USP6NL: variants seen among roughly 807,000 people sequenced by gnomAD.
The protein encoded by USP6NL is USP6 N-terminal-like protein.
In USP6NL, 26 loss-of-function variants were observed where a neutral mutation model predicts 61.9. The observed-to-expected ratio is 0.42, with a 90% confidence interval of 0.31 to 0.58. The LOEUF (loss-of-function observed/expected upper bound fraction) is 0.58. Among genes scored for constraint, USP6NL ranks in the 20% least tolerant of loss-of-function variants. USP6NL has a pLI of 0.16. For synonymous variants in USP6NL, 432 were observed against 390.1 expected, an observed-to-expected ratio of 1.11 and a Z score of -1.27; for missense variants, 1,114 against 1,034.3, an observed-to-expected ratio of 1.08 and a Z score of -1.06.
At chr10:11,503,329 ATAT>A (rs1033948291) in intron 6 of USP6NL, among the ~76,000 whole-genome samples, 8 of 152,190 alleles carry the variant, frequency 5.3e-5, no homozygotes, top group Admixed American at 4.6e-4. Flanking sequence ...AAGTCTTCAG[ATAT>A]TATTTTGTTG....
At chr10:11,571,234 C>T (rs930818100) in intron 2 of USP6NL, among the ~76,000 whole-genome samples, 13 of 152,068 alleles carry the variant, frequency 8.5e-5, no homozygotes, top group Non-Finnish European at 1.5e-4. Context: ...CAGGCATGCA[C>T]CACCACGCCC....
chr10:11,584,585 G>A (rs1050600997), intron 2 of USP6NL, among the ~76,000 whole-genome samples: 1 of 151,942 alleles, frequency 6.6e-6, no homozygotes, highest in Admixed American at 6.6e-5. Context: ...CTGCCTTTTC[G>A]GTATACTATG....
intron 6 of USP6NL, among the ~76,000 whole-genome samples, chr10:11,507,808 C>A (rs1834522491): frequency 6.6e-6 from 1 of 152,190 alleles, no homozygotes; most frequent in Admixed American, 6.5e-5. Context: ...TTTACATCAA[C>A]TAACTTATTT....
In USP6NL at chr10:11,575,444, T is replaced by G. The variant is rs1471864910; in HGVS notation, c.4+22187A>C. Among the ~76,000 whole-genome samples the G allele has an allele frequency of 1.3e-5, 2 of 152,230 alleles. No homozygotes were observed. The highest frequency in any genetic ancestry group is 1.3e-4 in the Admixed American group (2 of 15,284). ...TTTTGACAGGTAACTTTCCATTAGC[T>G]TTCCTCTCTCCCAGTCTTTCTCTTT... On this transcript the variant is annotated intron_variant, in intron 2 of 14. Transcript: ENST00000609104. This position sits in a 1 kb window ranked among gnomAD's most constrained non-coding sequence, Gnocchi z 4.2.
At chr10:11,582,068 G>A (rs1222944138) in intron 2 of USP6NL, among the ~76,000 whole-genome samples, 5 of 152,062 alleles carry the variant, frequency 3.3e-5, no homozygotes, top group African/African-American at 9.7e-5. Flanking sequence ...GGCTTCAAGC[G>A]ATTCTCCTGC....
rs949069601 is a variant in USP6NL, at chr10:11,532,651, T to G, written c.5-5084A>C. 6.6e-6 allele frequency among the ~76,000 whole-genome samples: 1 copy of G among 152,178 alleles called. No individual in the cohort carries two copies. Among genetic ancestry groups the G allele is most frequent in the Non-Finnish European group, 1.5e-5 (1 of 68,022 alleles). On this transcript the variant is annotated intron_variant, in intron 2 of 14. Transcript: ENST00000609104. The surrounding 1 kb of genome is among the most constrained non-coding windows in gnomAD (Gnocchi z 4.1). ...CCACTTTCTTATTTCTTATTAAAAATAAAACTTGTCACAGAGCAACAAAAA... is the reference window on the plus strand; with the variant it reads ...CCACTTTCTTATTTCTTATTAAAAAGAAAACTTGTCACAGAGCAACAAAAA...
chr10:11,610,660 T>C (rs1364831316), intron 1 of USP6NL, among the ~76,000 whole-genome samples: 1 of 151,188 alleles, frequency 6.6e-6, no homozygotes, highest in East Asian at 1.9e-4. Flanking sequence ...CTATTTCCAA[T>C]CACTGGGTAC....
At chr10:11,547,542 CTTTT>C (rs11409797) in intron 2 of USP6NL, among the ~76,000 whole-genome samples, 2 of 137,990 alleles carry the variant, frequency 1.4e-5, no homozygotes, top group African/African-American at 5.4e-5. Context: ...CATTTTAAAA[CTTTT>C]TTTTTTTTTT....
intron 2 of USP6NL, among the ~76,000 whole-genome samples, chr10:11,568,149 TTGTGTGTGTG>T (rs35053647): frequency 6.7e-6 from 1 of 149,604 alleles, no homozygotes; most frequent in Admixed American, 6.7e-5. Context: ...CGGGAGGTAG[TTGTGTGTGTG>T]TGTGTGTGTG....
At position 11,476,344 on chromosome 10, in the gene USP6NL, G is replaced by C. The variant is rs980203878; in HGVS notation, c.1078+5426C>G. Among the ~76,000 whole-genome samples the C allele has an allele frequency of 1.3e-5, 2 of 152,164 alleles. No individual in the cohort carries two copies. Among genetic ancestry groups the C allele is most frequent in the Non-Finnish European group, 1.5e-5 (1 of 68,022 alleles). The stretch of plus-strand genomic sequence containing the variant: ...TTCTTGGCTACAGAGACAAGTATTT[G>C]AGGTGAAGTATCCTGATGTCCTTAT... On this transcript the variant is annotated intron_variant, in intron 14 of 14. Transcript: ENST00000609104. This position sits in a 1 kb window ranked among gnomAD's most constrained non-coding sequence, Gnocchi z 4.3.
intron 6 of USP6NL, among the ~76,000 whole-genome samples, chr10:11,503,067 A>T (rs1182998015): frequency 6.6e-6 from 1 of 152,238 alleles, no homozygotes; most frequent in Non-Finnish European, 1.5e-5. Flanking sequence ...GTAAACTGTG[A>T]TTTTAAAGTA....
In USP6NL at chr10:11,574,297, T is replaced by A. The variant is rs182362146; in HGVS notation, c.4+23334A>T. On this transcript the variant is annotated intron_variant, in intron 2 of 14. Transcript: ENST00000609104. The surrounding 1 kb of genome is among the most constrained non-coding windows in gnomAD (Gnocchi z 4.3). ...TCAAAAATATCCTATAAATTCCTTG[T>A]CCTCCTCCTCACATATACACCTCTG... Among the ~76,000 whole-genome samples, 18 of 152,304 alleles carry A rather than the reference T, an allele frequency of 1.2e-4. No individual in the cohort carries two copies. Among genetic ancestry groups the A allele is most frequent in the African/African-American group, 4.3e-4 (18 of 41,562 alleles).
intron 1 of USP6NL, among the ~76,000 whole-genome samples, chr10:11,609,843 T>C (rs988257633): frequency 6.6e-6 from 1 of 152,236 alleles, no homozygotes; most frequent in Non-Finnish European, 1.5e-5. Context: ...TCTGACACTT[T>C]CACTTACTGG....
At chr10:11,475,086 C>T (rs1832914312) in intron 14 of USP6NL, among the ~76,000 whole-genome samples, 1 of 152,192 alleles carries the variant, frequency 6.6e-6, no homozygotes, top group South Asian at 2.1e-4. Flanking sequence ...CATAGGCTTT[C>T]TAACCAGAAT....
At chr10:11,567,009 G>A (rs1837187023) in intron 2 of USP6NL, among the ~76,000 whole-genome samples, 1 of 152,218 alleles carries the variant, frequency 6.6e-6, no homozygotes, top group Admixed American at 6.5e-5. Flanking sequence ...AGCTACTTGG[G>A]AGGCTGAGGC....
At chr10:11,604,633 C>G (rs755212063) in intron 1 of USP6NL, among the ~76,000 whole-genome samples, 1 of 152,128 alleles carries the variant, frequency 6.6e-6, no homozygotes, top group Non-Finnish European at 1.5e-5. Context: ...TAATAAAACA[C>G]TGGATCAAAA....
rs771046851 is a variant in USP6NL, at chr10:11,525,830, G to T, written c.73-362C>A. ...AACCTTACAGTTCTAGACCAAACACGTCTCAGAGAAAGAGATTTTTCTTTT... is the reference window on the plus strand; with the variant it reads ...AACCTTACAGTTCTAGACCAAACACTTCTCAGAGAAAGAGATTTTTCTTTT... On this transcript the variant is annotated intron_variant, in intron 3 of 14. Transcript: ENST00000609104. This position sits in a 1 kb window ranked among gnomAD's most constrained non-coding sequence, Gnocchi z 5.0. Among the ~76,000 whole-genome samples, 1 of 152,152 alleles carries T rather than the reference G, an allele frequency of 6.6e-6. No individual in the cohort carries two copies. The highest frequency in any genetic ancestry group is 1.5e-5 in the Non-Finnish European group (1 of 68,018).
chr10:11,514,515 A>G (rs1834870593), intron 5 of USP6NL, among the ~76,000 whole-genome samples: 1 of 152,106 alleles, frequency 6.6e-6, no homozygotes, highest in African/African-American at 2.4e-5. Flanking sequence ...TTGAACCTCA[A>G]ACTGTCCCCT....
chr10:11,529,362 G>A (rs1252090140), intron 2 of USP6NL, among the ~76,000 whole-genome samples: 1 of 152,116 alleles, frequency 6.6e-6, no homozygotes, highest in Non-Finnish European at 1.5e-5. Flanking sequence ...AAAGTAATTT[G>A]ATAATATGTG....
Sources: allele counts gnomAD v4.1 joint callset (sites outside exome capture counted in the v4.1 genomes callset), GRCh38; gene constraint gnomAD v4.1.1; non-coding constraint Gnocchi (gnomAD v3.1); transcripts MANE v1.5; gene names NCBI Gene and HGNC (gene_info 2026-07-23, HGNC 2026-07-21).